The following SMYD3 variants were observed in gnomAD, a reference collection of about 807,000 sequenced individuals.
SMYD3 encodes the protein histone-lysine N-methyltransferase SMYD3.
SMYD3 carries 36 observed loss-of-function variants against 57.7 expected under a neutral mutation model. The ratio of observed to expected loss-of-function variants is 0.62; its 90% CI spans 0.48 to 0.82. The LOEUF is 0.82. Ranked by LOEUF, SMYD3 falls within the 40% of genes least tolerant of loss-of-function variation. The pLI is 0.00. For synonymous variants in SMYD3, 211 were observed against 195.0 expected, an observed-to-expected ratio of 1.08 and a Z score of -0.68; for missense variants, 515 against 538.8, an observed-to-expected ratio of 0.96 and a Z score of 0.44.
At chr1:246,292,575 T>C (rs945705315) in intron 5 of SMYD3, among the ~76,000 whole-genome samples, 10 of 152,236 alleles carry the variant, frequency 6.6e-5, no homozygotes, top group African/African-American at 2.2e-4. Flanking sequence ...TATGGATAAA[T>C]ATATTGCTAA....
intron 5 of SMYD3, among the ~76,000 whole-genome samples, chr1:246,125,949 CTT>C (rs752550351): frequency 6.6e-6 from 1 of 151,806 alleles, no homozygotes; most frequent in Non-Finnish European, 1.5e-5. Context: ...ACACAACAAA[CTT>C]TGAGGAATCT....
chr1:245,750,950 G>A (rs1285437295), intron 11 of SMYD3, among the ~76,000 whole-genome samples: 1 of 152,166 alleles, frequency 6.6e-6, no homozygotes, highest in Non-Finnish European at 1.5e-5. Context: ...AACAGCTGAA[G>A]CCTGCTCTCC....
At chr1:245,928,145 G>T (rs1402624760) in intron 6 of SMYD3, 112 bp from the exon 7 acceptor site, 2 of 730,306 alleles carry the variant, frequency 2.7e-6, no homozygotes, top group Non-Finnish European at 4.5e-6. Context: ...AGCAGGTAGG[G>T]TTGACAGGAT....
chr1:246,082,719 G>A (rs1431818930), intron 5 of SMYD3, among the ~76,000 whole-genome samples: 1 of 152,122 alleles, frequency 6.6e-6, no homozygotes, highest in Non-Finnish European at 1.5e-5. Context: ...GACTGTTACT[G>A]TGTCTATGTA....
chr1:245,917,359 T>C (rs909067696), intron 7 of SMYD3, among the ~76,000 whole-genome samples: 1 of 152,326 alleles, frequency 6.6e-6, no homozygotes, highest in Admixed American at 6.5e-5. Context: ...TTCACTAGAT[T>C]TTATAAAAAT....
chr1:246,449,856 T>C (rs940437867), intron 1 of SMYD3, among the ~76,000 whole-genome samples: 1 of 152,194 alleles, frequency 6.6e-6, no homozygotes, highest in Non-Finnish European at 1.5e-5. Flanking sequence ...GAAAGGTTTT[T>C]TTTGTTTGTT....
At chr1:246,050,007 ATT>A (rs1414840994) in intron 5 of SMYD3, among the ~76,000 whole-genome samples, 14 of 152,254 alleles carry the variant, frequency 9.2e-5, no homozygotes, top group African/African-American at 3.1e-4. Flanking sequence ...AAGCAGTACC[ATT>A]TAGTATTAGT....
chr1:245,881,084 A>T (rs2052754728), intron 8 of SMYD3, among the ~76,000 whole-genome samples: 1 of 152,204 alleles, frequency 6.6e-6, no homozygotes, highest in Non-Finnish European at 1.5e-5. Flanking sequence ...TTTGTTCATT[A>T]TAAAAATATA....
intron 5 of SMYD3, among the ~76,000 whole-genome samples, chr1:246,036,353 A>G (rs2059770884): frequency 6.6e-6 from 1 of 152,176 alleles, no homozygotes; most frequent in African/African-American, 2.4e-5. Flanking sequence ...AAGACACAAC[A>G]GGATGACCAT....
intron 5 of SMYD3, among the ~76,000 whole-genome samples, chr1:245,997,799 T>G (rs35099039): frequency 0.52 from 78,500 of 152,060 alleles, 23,731 homozygotes; most frequent in Middle Eastern, 0.69. Flanking sequence ...AAAGGCAGGA[T>G]GTGAGGATGG....
At chr1:246,283,083 A>G (rs2064488096) in intron 5 of SMYD3, among the ~76,000 whole-genome samples, 1 of 152,228 alleles carries the variant, frequency 6.6e-6, no homozygotes, top group African/African-American at 2.4e-5. Flanking sequence ...TCTTCTGCTC[A>G]ACAATGGCAC....
At chr1:246,141,518 A>C (rs2061755255) in intron 5 of SMYD3, among the ~76,000 whole-genome samples, 1 of 152,168 alleles carries the variant, frequency 6.6e-6, no homozygotes, top group Admixed American at 6.5e-5. Flanking sequence ...TACTGTCCTC[A>C]ATTCTCTCCT....
chr1:246,353,117 G>C (rs1572411772), intron 2 of SMYD3, among the ~76,000 whole-genome samples: 2 of 152,276 alleles, frequency 1.3e-5, no homozygotes, highest in South Asian at 4.1e-4. Context: ...AGTTACTCTT[G>C]TTGGTAACAA....
chr1:246,436,156 C>T (rs143090090), intron 1 of SMYD3, among the ~76,000 whole-genome samples: 1 of 146,786 alleles, frequency 6.8e-6, no homozygotes, highest in East Asian at 2.0e-4. Context: ...TGAAATGTGT[C>T]GGGAGAAAAA....
At chr1:246,192,105 G>A (rs1240346765) in intron 5 of SMYD3, among the ~76,000 whole-genome samples, 1 of 152,008 alleles carries the variant, frequency 6.6e-6, no homozygotes, top group African/African-American at 2.4e-5. Context: ...TGTTGTTTTT[G>A]TTGCTGTTGT....
intron 5 of SMYD3, among the ~76,000 whole-genome samples, chr1:246,060,986 G>A (rs1281073760): frequency 6.6e-6 from 1 of 152,188 alleles, no homozygotes; most frequent in Non-Finnish European, 1.5e-5. Context: ...TCAGCACTTT[G>A]GGAGGCCGAG....
chr1:246,210,896 G>A (rs1440702265), intron 5 of SMYD3, among the ~76,000 whole-genome samples: 1 of 152,098 alleles, frequency 6.6e-6, no homozygotes, highest in Non-Finnish European at 1.5e-5. Flanking sequence ...TGATTTCGCA[G>A]AAACATGAGT....
intron 10 of SMYD3, among the ~76,000 whole-genome samples, chr1:245,776,800 G>A (rs1332689925): frequency 6.6e-6 from 1 of 152,202 alleles, no homozygotes; most frequent in Non-Finnish European, 1.5e-5. Context: ...TCATGAGAAA[G>A]TGAGGCGATA....
At chr1:246,095,622 AAATC>A (rs1272614858) in intron 5 of SMYD3, among the ~76,000 whole-genome samples, 1 of 152,226 alleles carries the variant, frequency 6.6e-6, no homozygotes, top group Non-Finnish European at 1.5e-5. Flanking sequence ...AACACCAGTC[AAATC>A]AATCAAGCCA....
Sources: gnomAD v4.1 joint callset for allele counts (sites outside exome capture counted in the v4.1 genomes callset) on GRCh38, gnomAD v4.1.1 for gene constraint, MANE v1.5 for transcripts, NCBI Gene and HGNC (gene_info 2026-07-23, HGNC 2026-07-21) for gene names.